DNAH14: variants seen among roughly 807,000 people sequenced by gnomAD.
DNAH14 encodes dynein axonemal heavy chain 14, also known as axonemal beta dynein heavy chain 14.
A neutral mutation model predicts 520.9 loss-of-function variants in DNAH14; 478 were observed. The ratio of observed to expected loss-of-function variants is 0.92; its 90% CI spans 0.85 to 0.99. DNAH14 has a LOEUF of 0.99. Ranked by LOEUF, DNAH14 falls within the 50% of genes least tolerant of loss-of-function variation. DNAH14 has a pLI of 0.00. For synonymous variants in DNAH14, 1,581 were observed against 1,757.2 expected (o/e 0.90, Z 2.51); for missense variants, 4,831 against 5,234.5 (o/e 0.92, Z 2.38).
At chr1:225,365,100 A>T (rs1287919257) in intron 76 of DNAH14, among the ~76,000 whole-genome samples, 6 of 152,234 alleles carry the variant, frequency 3.9e-5, no homozygotes, top group Admixed American at 6.5e-5. Flanking sequence ...TTCACAATTT[A>T]TATGTTATTT....
At chr1:225,133,786 A>T (rs899247668) in intron 27 of DNAH14, among the ~76,000 whole-genome samples, 3 of 152,194 alleles carry the variant, frequency 2.0e-5, no homozygotes, top group Non-Finnish European at 4.4e-5. Context: ...TTTAATGGGA[A>T]TAGCATTGAA....
intron 64 of DNAH14, among the ~76,000 whole-genome samples, chr1:225,327,584 G>C (rs2094704288): frequency 6.6e-6 from 1 of 152,144 alleles, no homozygotes. Flanking sequence ...GAAATGCTCA[G>C]AGAAATTTAT....
At chr1:225,062,320 A>G (rs991139635) in intron 17 of DNAH14, among the ~76,000 whole-genome samples, 4 of 152,080 alleles carry the variant, frequency 2.6e-5, no homozygotes, top group East Asian at 3.9e-4. Context: ...GAGAGAGAGA[A>G]AGAAAGAGAA....
chr1:225,105,000 C>T (rs1296624402), intron 23 of DNAH14, among the ~76,000 whole-genome samples: 1 of 152,126 alleles, frequency 6.6e-6, no homozygotes, highest in Non-Finnish European at 1.5e-5. Context: ...TTGGATCTTT[C>T]CTGCTTTCTC....
chr1:225,324,485 A>G, intron 63 of DNAH14, 132 bp downstream of exon 63: 2 of 1,237,596 alleles, frequency 1.6e-6, no homozygotes, highest in South Asian at 1.6e-5. Flanking sequence ...CTTTAATCAA[A>G]TGTTATTCTA....
intron 39 of DNAH14, among the ~76,000 whole-genome samples, chr1:225,205,732 C>G (rs2087467571): frequency 6.6e-6 from 1 of 152,084 alleles, no homozygotes; most frequent in African/African-American, 2.4e-5. Flanking sequence ...GGTTAATTAT[C>G]TAATTCAACA....
At chr1:225,090,326 TA>T (rs763055332) in intron 21 of DNAH14, among the ~76,000 whole-genome samples, 6 of 152,266 alleles carry the variant, frequency 3.9e-5, no homozygotes, top group Admixed American at 2.0e-4. Flanking sequence ...AATGGATCTC[TA>T]GATTCAACAC....
At chr1:224,960,130 G>T in intron 3 of DNAH14, 23 bp from the exon 4 acceptor site, 1 of 1,549,148 alleles carries the variant, frequency 6.5e-7, no homozygotes, top group Non-Finnish European at 8.7e-7. Context: ...TAGTTATTCA[G>T]TTAATAATGG....
At chr1:225,262,988 T>C (rs2092987856) in intron 46 of DNAH14, among the ~76,000 whole-genome samples, 2 of 145,556 alleles carry the variant, frequency 1.4e-5, no homozygotes, top group African/African-American at 5.2e-5. Flanking sequence ...TGTCATTCTA[T>C]ATGTTTCTTC....
intron 81 of DNAH14, among the ~76,000 whole-genome samples, chr1:225,384,376 A>T (rs6663021): frequency 1 from 151,850 of 152,232 alleles, 75,736 homozygotes; most frequent in Non-Finnish European, 1. Context: ...GACACTAAGA[A>T]CAGAGCAGAA....
chr1:225,097,282 T>C, intron 22 of DNAH14, 43 bp downstream of exon 22: 1 of 1,473,916 alleles, frequency 6.8e-7, no homozygotes, highest in Non-Finnish European at 9.1e-7. Flanking sequence ...CAAAATGCAT[T>C]GTGAGTAATT....
At chr1:225,363,677 T>C (rs1201636049) in intron 75 of DNAH14, among the ~76,000 whole-genome samples, 10 of 152,232 alleles carry the variant, frequency 6.6e-5, no homozygotes, top group Admixed American at 6.5e-5. Context: ...CTGGAATTCT[T>C]GGATATTCGA....
At chr1:225,003,828 A>G (rs1448876513) in intron 9 of DNAH14, among the ~76,000 whole-genome samples, 1 of 152,120 alleles carries the variant, frequency 6.6e-6, no homozygotes, top group Non-Finnish European at 1.5e-5. Flanking sequence ...GTAGAAGGAA[A>G]TAGGATATGG....
intron 17 of DNAH14, among the ~76,000 whole-genome samples, chr1:225,076,619 A>G (rs576087158): frequency 1.3e-5 from 2 of 152,208 alleles, no homozygotes; most frequent in Admixed American, 1.3e-4. Flanking sequence ...CCAAATTTCT[A>G]TAGTAAGAAA....
At position 225,023,864 on chromosome 1, in the gene DNAH14, A is replaced by C; in HGVS notation, c.1357A>C (p.Arg453=). 6.5e-7 allele frequency: 1 copy of C among 1,526,826 alleles called. No individual in the cohort carries two copies. Among genetic ancestry groups the C allele is most frequent in the Non-Finnish European group, 8.8e-7 (1 of 1,133,868 alleles). The allele number at this position is 1,526,826 out of a possible 1,614,324, so 94.6% of individuals were successfully genotyped here. The change falls in exon 11 of 86, where the codon AGA becomes CGA. Residue 453 remains arginine, a splice_region_variant and synonymous_variant. Coordinates refer to ENST00000682510, the MANE Select transcript of DNAH14 (RefSeq NM_001367479.1). ...SVEKKNENLI[R]TFKDNSFPTG... ...GGAAAAAAAGAATGAAAATCTTATC[A>C]GGTAAATTACTTTTTTGAAGTCAAA...
intron 17 of DNAH14, among the ~76,000 whole-genome samples, chr1:225,067,940 T>C (rs922352688): frequency 6.6e-6 from 1 of 152,186 alleles, no homozygotes; most frequent in Non-Finnish European, 1.5e-5. Context: ...GTGCAGAAGC[T>C]CTTTAGTTTA....
intron 41 of DNAH14, among the ~76,000 whole-genome samples, chr1:225,216,964 G>T (rs527665817): frequency 3.9e-5 from 6 of 152,242 alleles, no homozygotes; most frequent in African/African-American, 1.4e-4. Context: ...CATTCCTTTG[G>T]AGGAGAAGAG....
chr1:225,351,869 A>T lies in DNAH14; in HGVS notation c.11519A>T (p.Lys3840Ile). The change falls in exon 72 of 86, where the codon AAA (lysine) becomes ATA (isoleucine). Residue 3840 changes from lysine (K) to isoleucine (I), a missense_variant. Physicochemically the swap from Lys to Ile is moderately radical, Grantham distance 102. Coordinates refer to ENST00000682510, the MANE Select transcript of DNAH14 (RefSeq NM_001367479.1). The stretch of plus-strand genomic sequence containing the variant: ...AATGCTTCATTGGAGGAAAATACAA[A>T]ACCACCAGAGGAAAGTAAGAAAGCA... ...SENASLEENT[K>I]PPEETELLNE... 1 of 1,550,890 alleles carries T rather than the reference A, an allele frequency of 6.4e-7. No homozygotes were observed. Among genetic ancestry groups the T allele is most frequent in the Non-Finnish European group, 8.7e-7 (1 of 1,146,472 alleles).
At chr1:225,360,536 C>T (rs903332739) in intron 74 of DNAH14, 145 bp from the exon 75 acceptor site, 18 of 767,560 alleles carry the variant, frequency 2.3e-5, no homozygotes, top group Non-Finnish European at 3.1e-5. Context: ...AAAATTTAAA[C>T]TCTGGGCTCT....
Sources: allele counts gnomAD v4.1 joint callset (sites outside exome capture counted in the v4.1 genomes callset), GRCh38; gene constraint gnomAD v4.1.1; transcripts MANE v1.5; gene names NCBI Gene and HGNC (gene_info 2026-07-23, HGNC 2026-07-21).